NRXN3: variants seen among roughly 807,000 people sequenced by gnomAD.
NRXN3 encodes the protein neurexin 3.
In NRXN3, 32 loss-of-function variants were observed where a neutral mutation model predicts 137.6. That is an observed-to-expected ratio of 0.23 (90% CI 0.18 to 0.31). The LOEUF (loss-of-function observed/expected upper bound fraction) is 0.31, where lower values mean the gene tolerates loss of function less well. NRXN3 is among the 10% of genes least tolerant of loss of function. NRXN3 has a pLI of 1.00. For missense variants in NRXN3, 1,574 were observed against 2,062.5 expected, an observed-to-expected ratio of 0.76 and a Z score of 4.59; for synonymous variants, 798 against 784.5, an observed-to-expected ratio of 1.02 and a Z score of -0.29.
intron 16 of NRXN3, among the ~76,000 whole-genome samples, chr14:79,651,514 C>T (rs1416754523): frequency 6.6e-6 from 1 of 151,926 alleles, no homozygotes; most frequent in East Asian, 1.9e-4. Context: ...ATTTTCTTCC[C>T]TCACAATGCT....
chr14:79,730,126 G>A (rs77097286), intron 19 of NRXN3, among the ~76,000 whole-genome samples: 4 of 152,134 alleles, frequency 2.6e-5, no homozygotes, highest in Admixed American at 2.0e-4. Context: ...TTGTGTATGC[G>A]GAGTTTGATA....
At chr14:78,802,005 T>C (rs567756592) in intron 8 of NRXN3, among the ~76,000 whole-genome samples, 1 of 152,348 alleles carries the variant, frequency 6.6e-6, no homozygotes, top group East Asian at 1.9e-4. Context: ...TTCTCCATAG[T>C]GCATGTAGGT....
intron 8 of NRXN3, among the ~76,000 whole-genome samples, chr14:78,740,629 A>AT (rs2098562881): frequency 6.6e-6 from 1 of 151,700 alleles, no homozygotes; most frequent in Non-Finnish European, 1.5e-5. Flanking sequence ...TCTGTAAAAA[A>AT]TGTCTGTTAA....
At chr14:78,415,599 G>C (rs2093090267) in intron 4 of NRXN3, among the ~76,000 whole-genome samples, 1 of 152,066 alleles carries the variant, frequency 6.6e-6, no homozygotes, top group Non-Finnish European at 1.5e-5. Flanking sequence ...ATTCTTACAT[G>C]GTGACTAGAT....
chr14:78,935,832 A>T (rs1157487780), intron 10 of NRXN3, among the ~76,000 whole-genome samples: 1 of 152,184 alleles, frequency 6.6e-6, no homozygotes, highest in African/African-American at 2.4e-5. Flanking sequence ...GGAAAAGTGT[A>T]AGTGATCCTC....
Position 79,162,733 on chromosome 14 carries a change from C to T in NRXN3, c.3262+174592C>T, listed in dbSNP as rs150615847. Among the ~76,000 whole-genome samples, 716 of 151,986 alleles carry T rather than the reference C, an allele frequency of 4.7e-3. 5 individuals carry two copies. The highest frequency in any genetic ancestry group is 0.017 in the African/African-American group (701 of 41,504). Reference sequence around the variant, plus strand: ...GGAGAAGATGTGGAGAAATAGTTTACTTATTTTTTAAGGCAAGCAAGGTGG... The same window carrying T: ...GGAGAAGATGTGGAGAAATAGTTTATTTATTTTTTAAGGCAAGCAAGGTGG... On this transcript the variant is annotated intron_variant, in intron 15 of 20. Coordinates refer to ENST00000335750, the MANE Select transcript of NRXN3 (RefSeq NM_001330195.2).
At chr14:79,010,325 A>G (rs2099568921) in intron 15 of NRXN3, among the ~76,000 whole-genome samples, 1 of 152,136 alleles carries the variant, frequency 6.6e-6, no homozygotes, top group African/African-American at 2.4e-5. Flanking sequence ...GTTTTGTGCC[A>G]TAAACCAACC....
At chr14:78,749,261 A>G (rs1177380508) in intron 8 of NRXN3, among the ~76,000 whole-genome samples, 1 of 152,190 alleles carries the variant, frequency 6.6e-6, no homozygotes, top group Non-Finnish European at 1.5e-5. Flanking sequence ...ATCGATTCCA[A>G]GTTGACAAAT....
intron 4 of NRXN3, among the ~76,000 whole-genome samples, chr14:78,376,097 G>A (rs2087796390): frequency 6.6e-6 from 1 of 151,744 alleles, no homozygotes; most frequent in South Asian, 2.1e-4. Flanking sequence ...TTGTGATACA[G>A]CACTGAAAGA....
chr14:79,000,098 A>G (rs1445068908), intron 15 of NRXN3, among the ~76,000 whole-genome samples: 1 of 152,168 alleles, frequency 6.6e-6, no homozygotes, highest in East Asian at 1.9e-4. Context: ...GTAAACTGTA[A>G]CAACTCTCAG....
chr14:79,643,891 C>A (rs1256573672), intron 16 of NRXN3, among the ~76,000 whole-genome samples: 20 of 135,462 alleles, frequency 1.5e-4, no homozygotes, highest in African/African-American at 4.9e-4. Context: ...ATTGCCTTTA[C>A]CACCTTCTAT....
At chr14:78,729,648 C>A (rs757600903) in intron 8 of NRXN3, among the ~76,000 whole-genome samples, 1 of 152,132 alleles carries the variant, frequency 6.6e-6, no homozygotes, top group Non-Finnish European at 1.5e-5. Context: ...TCCAGGGCTG[C>A]AAAATACCCT....
intron 1 of NRXN3, among the ~76,000 whole-genome samples, chr14:78,224,963 T>C (rs1203933056): frequency 2.0e-5 from 3 of 150,084 alleles, no homozygotes; most frequent in Non-Finnish European, 4.4e-5. Flanking sequence ...AGACGGGGTT[T>C]CACCTTGTTA....
intron 4 of NRXN3, among the ~76,000 whole-genome samples, chr14:78,409,976 CT>C (rs2092725795): frequency 6.6e-6 from 1 of 152,278 alleles, no homozygotes; most frequent in African/African-American, 2.4e-5. Flanking sequence ...CTTCTTTGAA[CT>C]TAGTTCTCCT....
intron 16 of NRXN3, among the ~76,000 whole-genome samples, chr14:79,497,170 G>A (rs2096774908): frequency 6.6e-6 from 1 of 152,130 alleles, no homozygotes; most frequent in South Asian, 2.1e-4. Context: ...ACTGTCCTGG[G>A]ACCAAGAAGA....
At chr14:79,241,518 G>C (rs1324934352) in intron 15 of NRXN3, among the ~76,000 whole-genome samples, 1 of 152,072 alleles carries the variant, frequency 6.6e-6, no homozygotes, top group Non-Finnish European at 1.5e-5. Flanking sequence ...GATCTCATGA[G>C]ATTTATTCAC....
At chr14:78,557,992 A>T (rs2096754131) in intron 4 of NRXN3, among the ~76,000 whole-genome samples, 1 of 152,192 alleles carries the variant, frequency 6.6e-6, no homozygotes, top group African/African-American at 2.4e-5. Context: ...TATCATCCCC[A>T]TTTTACAGTT....
intron 4 of NRXN3, among the ~76,000 whole-genome samples, chr14:78,393,810 A>C (rs1002647079): frequency 3.3e-5 from 5 of 151,992 alleles, no homozygotes; most frequent in Non-Finnish European, 7.4e-5. Context: ...AGTTTTCAGC[A>C]TACAAATTCT....
chr14:79,010,306 C>G (rs2099568881), intron 15 of NRXN3, among the ~76,000 whole-genome samples: 1 of 152,122 alleles, frequency 6.6e-6, no homozygotes, highest in Non-Finnish European at 1.5e-5. Flanking sequence ...TATGTTAGCT[C>G]AGGGGTGGGT....
Sources: gnomAD v4.1 joint callset for allele counts (sites outside exome capture counted in the v4.1 genomes callset) on GRCh38, gnomAD v4.1.1 for gene constraint, MANE v1.5 for transcripts, NCBI Gene and HGNC (gene_info 2026-07-23, HGNC 2026-07-21) for gene names.